The following BSN variants were observed in gnomAD, a reference collection of about 807,000 sequenced individuals.
BSN encodes the protein bassoon presynaptic cytomatrix protein.
Under a neutral mutation model 264.8 loss-of-function variants are expected in BSN, and 57 were observed. The observed-to-expected ratio is 0.22, with a 90% confidence interval of 0.17 to 0.27. The LOEUF is 0.27. Ranked by LOEUF, BSN falls within the 10% of genes least tolerant of loss-of-function variation. The pLI is 1.00. For synonymous variants in BSN, 2,059 were observed against 2,137.3 expected (o/e 0.96, Z 1.01); for missense variants, 4,615 against 5,232.5 (o/e 0.88, Z 3.64).
At chr3:49,610,963 A>T (rs1254718985) in intron 1 of BSN, among the ~76,000 whole-genome samples, 1 of 152,162 alleles carries the variant, frequency 6.6e-6, no homozygotes, top group Admixed American at 6.5e-5. Flanking sequence ...AGCAGGGCTG[A>T]GTGTGAAGTA....
At position 49,652,248 on chromosome 3, in the gene BSN, C is replaced by T. The variant is rs374133501; in HGVS notation, c.2692C>T (p.Pro898Ser). 7.5e-6 allele frequency: 12 copies of T among 1,604,212 alleles called. No homozygotes were observed. Among genetic ancestry groups the T allele is most frequent in the Non-Finnish European group, 1.0e-5 (12 of 1,174,484 alleles). Residue 898 changes from proline to serine, a missense_variant, in exon 5 of 12, where the codon CCC becomes TCC. This residue lies in a region of BSN where 1,197 missense variants were observed against 1,348.0 expected (regional missense o/e 0.89). Transcript: ENST00000296452. ...AGCAGCACTGCCCAAGAGGCGCCTG[C>T]CCCACAATGCCACCACGGGCTATGA... is the stretch of plus-strand genomic sequence containing the variant. ...EPAALPKRRLPHNATTGYEEL... is the reference protein window; with the variant it reads ...EPAALPKRRLSHNATTGYEEL...
Position 49,662,226 on chromosome 3 carries a change from G to A in BSN, c.10381G>A (p.Gly3461Ser), listed in dbSNP as rs1239599737. Residue 3461 changes from glycine (G) to serine (S), a missense_variant, in exon 6 of 12, where the codon GGC becomes AGC. By Grantham distance (56) the Gly-to-Ser change is moderately conservative. This residue lies in a region of BSN where 3,415 missense variants were observed against 3,866.4 expected (regional missense o/e 0.88). Transcript: ENST00000296452. ...GAAGCTGTCCAGCCACGACTTCAGT[G>A]GCTGGGGCAAGGGGTACGAAAGGGA... ...GEKLSSHDFS[G>S]WGKGYERERE... The A allele has an allele frequency of 6.2e-7, 1 of 1,613,670 alleles. No homozygotes were observed. The highest frequency in any genetic ancestry group is 8.5e-7 in the Non-Finnish European group (1 of 1,179,924).
chr3:49,586,570 G>A (rs1399576700), intron 1 of BSN, among the ~76,000 whole-genome samples: 10 of 152,250 alleles, frequency 6.6e-5, no homozygotes, highest in Admixed American at 1.3e-4. Flanking sequence ...TGAACTCCTG[G>A]ACTCAAGCAA....
At position 49,661,218 on chromosome 3, in the gene BSN, C is replaced by T; in HGVS notation, c.9373C>T (p.Pro3125Ser). The T allele has an allele frequency of 1.2e-6, 2 of 1,613,690 alleles. No individual in the cohort carries two copies. Among genetic ancestry groups the T allele is most frequent in the Non-Finnish European group, 1.7e-6 (2 of 1,180,046 alleles). ...CCACTATGCAGGCCAAACACCCATG[C>T]CAACCACACAGAGCACCCTTTTTCC... ...TGHYAGQTPM[P>S]TTQSTLFPVP... Residue 3125 changes from proline (P) to serine (S), a missense_variant, in exon 6 of 12, where the codon CCA (proline) becomes TCA (serine). This residue lies in a region of BSN where 3,415 missense variants were observed against 3,866.4 expected (regional missense o/e 0.88). Transcript: ENST00000296452.
chr3:49,565,430 C>T (rs969820307), intron 1 of BSN, among the ~76,000 whole-genome samples: 2 of 151,572 alleles, frequency 1.3e-5, no homozygotes, highest in Non-Finnish European at 2.9e-5. Context: ...GCGCCATTCT[C>T]CTGCCTCAGC....
intron 1 of BSN, among the ~76,000 whole-genome samples, chr3:49,562,870 G>A (rs958820106): frequency 1.8e-4 from 27 of 152,230 alleles, no homozygotes; most frequent in African/African-American, 5.5e-4. Context: ...AGAAATTCAG[G>A]TTTTAATCAA....
intron 1 of BSN, among the ~76,000 whole-genome samples, chr3:49,600,507 G>C (rs1309511971): frequency 6.6e-6 from 1 of 152,160 alleles, no homozygotes; most frequent in African/African-American, 2.4e-5. Flanking sequence ...AGTGGCTTAT[G>C]CCTGTAATCC....
intron 1 of BSN, among the ~76,000 whole-genome samples, chr3:49,571,136 C>A (rs1488385148): frequency 5.3e-5 from 8 of 152,104 alleles, no homozygotes; most frequent in Non-Finnish European, 2.9e-5. Flanking sequence ...TTAGTAGTAA[C>A]TGAGGAATTT....
At chr3:49,624,728 C>G (rs989644789) in intron 1 of BSN, among the ~76,000 whole-genome samples, 1 of 152,126 alleles carries the variant, frequency 6.6e-6, no homozygotes, top group Non-Finnish European at 1.5e-5. Context: ...GAATCAGAGT[C>G]TGTACTTTAT....
At position 49,661,795 on chromosome 3, in the gene BSN, C is replaced by G. The variant is rs149681600; in HGVS notation, c.9950C>G (p.Thr3317Ser). 1.2e-6 allele frequency: 2 copies of G among 1,613,598 alleles called. No individual in the cohort carries two copies. The highest frequency in any genetic ancestry group is 8.5e-7 in the Non-Finnish European group (1 of 1,180,038). ...SMESNGRPAS[T>S]HYYGDSDYRH... ...GAGAGCAATGGTCGACCAGCCAGTA[C>G]CCACTACTATGGTGACAGTGACTAC... The change falls in exon 6 of 12, where the codon ACC becomes AGC. Residue 3317 changes from threonine (T) to serine (S), a missense_variant. This residue lies in a region of BSN where 3,415 missense variants were observed against 3,866.4 expected (regional missense o/e 0.88). Coordinates refer to ENST00000296452, the MANE Select transcript of BSN (RefSeq NM_003458.4).
In BSN at chr3:49,661,618, G is replaced by A; in HGVS notation, c.9773G>A (p.Gly3258Glu). ...GATAGCCAACGGCTGGAGCCCCTGG[G>A]GCCAGGCAGCAGTGGGCGTCCAGGG... ...APDSQRLEPL[G>E]PGSSGRPGKE... The change falls in exon 6 of 12, where the codon GGG becomes GAG. Residue 3258 changes from glycine (G) to glutamate (E), a missense_variant. This residue lies in a region of BSN where 3,415 missense variants were observed against 3,866.4 expected (regional missense o/e 0.88). Coordinates refer to ENST00000296452, the MANE Select transcript of BSN (RefSeq NM_003458.4). The A allele has an allele frequency of 3.1e-6, 5 of 1,613,652 alleles. No individual in the cohort carries two copies. The highest frequency in any genetic ancestry group is 1.1e-5 in the South Asian group (1 of 91,088).
intron 1 of BSN, among the ~76,000 whole-genome samples, chr3:49,605,800 TTA>T (rs1263182715): frequency 5.0e-3 from 406 of 81,262 alleles, no homozygotes; most frequent in Non-Finnish European, 6.6e-3. Context: ...ATAAATATAT[TTA>T]TATATATAAA....
intron 1 of BSN, among the ~76,000 whole-genome samples, chr3:49,605,740 AATAT>A (rs369849874): frequency 0.25 from 17,337 of 68,086 alleles, 2,682 homozygotes; most frequent in Middle Eastern, 0.31. Flanking sequence ...ATAATATATA[AATAT>A]ATATAATATA....
chr3:49,586,845 A>AT (rs1206448443), intron 1 of BSN, among the ~76,000 whole-genome samples: 2 of 152,134 alleles, frequency 1.3e-5, no homozygotes, highest in Non-Finnish European at 2.9e-5. Context: ...AGGTAATATG[A>AT]TTCTTCCAGC....
At chr3:49,575,744 C>T (rs993268078) in intron 1 of BSN, among the ~76,000 whole-genome samples, 4 of 150,746 alleles carry the variant, frequency 2.7e-5, no homozygotes, top group South Asian at 4.2e-4. Flanking sequence ...TGAAGTACAA[C>T]GTCCACTGCC....
chr3:49,655,755 A>T lies in BSN; in HGVS notation c.6199A>T (p.Ile2067Phe). ...PMRRYSSVSN[I>F]YSDHRYGPRG... ...GCGGCGCTATAGCTCAGTGTCGAAC[A>T]TCTACTCAGACCACAGGTACGGCCC... The change falls in exon 5 of 12, where the codon ATC becomes TTC. Residue 2067 changes from isoleucine (I) to phenylalanine (F), a missense_variant. Coordinates refer to ENST00000296452, the MANE Select transcript of BSN (RefSeq NM_003458.4). 6.2e-7 allele frequency: 1 copy of T among 1,613,502 alleles called. No homozygotes were observed. Among genetic ancestry groups the T allele is most frequent in the Non-Finnish European group, 8.5e-7 (1 of 1,180,030 alleles).
rs981501364 is a variant in BSN at position 49,570,430 on chromosome 3, G to T, written c.224+15604G>T. The stretch of plus-strand genomic sequence containing the variant: ...GGGTGAGTGTTGGAGCCCACCCAAG[G>T]GTCCATGCTGTCATTGGTACTTTGC... On this transcript the variant is annotated intron_variant, in intron 1 of 11. Coordinates refer to ENST00000296452, the MANE Select transcript of BSN (RefSeq NM_003458.4). 3.9e-5 allele frequency among the ~76,000 whole-genome samples: 6 copies of T among 152,080 alleles called. No homozygotes were observed. The South Asian group carries it at 1.2e-3, about 32-fold the overall frequency.
rs2052471781 is a variant in BSN at position 49,642,527 on chromosome 3, A to G, written c.893A>G (p.Glu298Gly). The change falls in exon 3 of 12, where the codon GAG becomes GGG. Residue 298 changes from glutamate to glycine, a missense_variant. Physicochemically the swap from Glu to Gly is moderately conservative, Grantham distance 98 (BLOSUM62 -2). Coordinates refer to ENST00000296452, the MANE Select transcript of BSN (RefSeq NM_003458.4). This position sits in a 1 kb window ranked among gnomAD's most constrained non-coding sequence, Gnocchi z 7.0. ...PGPAQAAAPP[E>G]VGRVSPQPPQ... ...CCTGCCCAAGCAGCTGCCCCTCCAG[A>G]GGTGGGGAGGGTGTCTCCTCAGCCC... 6 of 1,581,684 alleles carry G rather than the reference A, an allele frequency of 3.8e-6. No homozygotes were observed. Among genetic ancestry groups the G allele is most frequent in the Non-Finnish European group, 5.2e-6 (6 of 1,162,088 alleles).
In BSN at chr3:49,655,474, C is replaced by A; in HGVS notation, c.5918C>A (p.Pro1973Gln). The A allele has an allele frequency of 6.3e-7, 1 of 1,587,634 alleles. No homozygotes were observed. The highest frequency in any genetic ancestry group is 1.1e-5 in the South Asian group (1 of 87,594). Residue 1973 changes from proline to glutamine, a missense_variant, in exon 5 of 12, where the codon CCA becomes CAA. This residue lies in a region of BSN where 3,415 missense variants were observed against 3,866.4 expected (regional missense o/e 0.88). Transcript: ENST00000296452. ...PGPHEEQRPY[P>Q]QGLPGRLYSS... Reference sequence around the variant, plus strand: ...CCCCATGAGGAGCAGAGGCCCTACCCACAAGGCCTGCCTGGTAGGCTGTAC... The same window carrying A: ...CCCCATGAGGAGCAGAGGCCCTACCAACAAGGCCTGCCTGGTAGGCTGTAC...
Sources: gnomAD v4.1 joint callset for allele counts (sites outside exome capture counted in the v4.1 genomes callset) on GRCh38, gnomAD v4.1.1 for gene constraint, gnomAD v4.1.1 regional missense constraint, Gnocchi (gnomAD v3.1) non-coding constraint, MANE v1.5 for transcripts, NCBI Gene and HGNC (gene_info 2026-07-23, HGNC 2026-07-21) for gene names.